Variants in NBEA observed in about 807,000 individuals in gnomAD.
NBEA encodes neurobeachin.
Under a neutral mutation model 343.4 loss-of-function variants are expected in NBEA, and 44 were observed. That is an observed-to-expected ratio of 0.13 (90% CI 0.10 to 0.16). The LOEUF (loss-of-function observed/expected upper bound fraction) is 0.16. NBEA is among the 10% of genes least tolerant of loss of function. NBEA has a pLI of 1.00. For missense variants in NBEA, 2,555 were observed against 3,631.3 expected (o/e 0.70, Z 7.62); for synonymous variants, 1,175 against 1,238.7 (o/e 0.95, Z 1.08).
intron 46 of NBEA, among the ~76,000 whole-genome samples, chr13:35,589,935 T>C (rs9574201): frequency 0.13 from 20,038 of 152,102 alleles, 1,451 homozygotes; most frequent in East Asian, 0.28. Flanking sequence ...CTGAACTTTG[T>C]AAAGACTAAC....
chr13:35,304,151 G>A (rs555733324), intron 35 of NBEA, among the ~76,000 whole-genome samples: 3 of 152,108 alleles, frequency 2.0e-5, no homozygotes, highest in South Asian at 4.2e-4. Flanking sequence ...TATTCTCTTC[G>A]ACAAGAAGAC....
chr13:35,173,237 C>A (rs2070608877), intron 26 of NBEA, among the ~76,000 whole-genome samples: 1 of 152,012 alleles, frequency 6.6e-6, no homozygotes, highest in Admixed American at 6.6e-5. Flanking sequence ...CTTCAGCTGG[C>A]TGGTGGTATA....
chr13:35,655,449 AC>A, intron 54 of NBEA, 129 bp from the exon 55 acceptor site: 1 of 1,022,480 alleles, frequency 9.8e-7, no homozygotes, highest in Non-Finnish European at 1.4e-6. Flanking sequence ...CCATAGATGA[AC>A]TTTTCACAAA....
At chr13:35,025,706 CACTAGTCTCACTTGTCTCTCTT>C (rs1433346606) in intron 1 of NBEA, among the ~76,000 whole-genome samples, 5 of 152,082 alleles carry the variant, frequency 3.3e-5, no homozygotes, top group African/African-American at 7.2e-5. Flanking sequence ...TTTTATCTCT[CACTAGTCTCACTTGTCTCTCTT>C]ACTAGTCTCA....
At chr13:35,657,449 A>T (rs1175807892) in intron 55 of NBEA, among the ~76,000 whole-genome samples, 1 of 152,340 alleles carries the variant, frequency 6.6e-6, no homozygotes, top group Non-Finnish European at 1.5e-5. Context: ...TCTAAATACC[A>T]GTAAGATAAT....
At chr13:35,465,386 A>C (rs1194947014) in intron 40 of NBEA, among the ~76,000 whole-genome samples, 1 of 152,178 alleles carries the variant, frequency 6.6e-6, no homozygotes, top group Non-Finnish European at 1.5e-5. Flanking sequence ...CATATATTTA[A>C]TATATTTTAA....
At chr13:35,479,770 A>G (rs557731497) in intron 41 of NBEA, among the ~76,000 whole-genome samples, 19 of 152,322 alleles carry the variant, frequency 1.2e-4, no homozygotes, top group Non-Finnish European at 8.8e-5. Flanking sequence ...TGTTGTAAAT[A>G]TACTCAGTGC....
At chr13:35,025,073 G>A (rs1323783604) in intron 1 of NBEA, among the ~76,000 whole-genome samples, 1 of 152,086 alleles carries the variant, frequency 6.6e-6, no homozygotes, top group Non-Finnish European at 1.5e-5. Flanking sequence ...CTAGATATTA[G>A]ACTTTTTGTA....
In NBEA at chr13:35,118,181, A is replaced by T. The variant is rs111249141; in HGVS notation, c.2083-47A>T. 4.9e-5 allele frequency: 60 copies of T among 1,218,276 alleles called. No homozygotes were observed. The Admixed American group carries it at 1.4e-3, about 29-fold the overall frequency. 75.5% of individuals were successfully genotyped at this position (1,218,276 alleles called of 1,614,324 possible). On this transcript the variant is annotated intron_variant, in intron 14 of 58. Transcript: ENST00000379939. ...TATTTTGACATCTTTTTTAAATTAA[A>T]ATTTTAATTTTAGATGTAAAGTAAT...
chr13:35,143,114 T>C (rs1020715595), intron 18 of NBEA, among the ~76,000 whole-genome samples: 14 of 152,200 alleles, frequency 9.2e-5, no homozygotes, highest in African/African-American at 3.4e-4. Context: ...GCTTTTTATA[T>C]TTCTAAATGG....
intron 47 of NBEA, among the ~76,000 whole-genome samples, chr13:35,604,093 A>T (rs994325235): frequency 4.6e-5 from 7 of 152,146 alleles, no homozygotes; most frequent in African/African-American, 1.7e-4. Flanking sequence ...GTGACTGATA[A>T]ACACTGTCAT....
chr13:35,654,873 A>G lies in NBEA; in HGVS notation c.8054A>G (p.Asn2685Ser). 1 of 1,575,316 alleles carries G rather than the reference A, an allele frequency of 6.3e-7. No individual in the cohort carries two copies. The highest frequency in any genetic ancestry group is 8.6e-7 in the Non-Finnish European group (1 of 1,166,930). ...CTTTTAGCCAATAATTCAGGTGTAAACAAACGGCAGATCACAGACCTCGTT... is the reference window on the plus strand; with the variant it reads ...CTTTTAGCCAATAATTCAGGTGTAAGCAAACGGCAGATCACAGACCTCGTT... Reference protein sequence around the residue: ...DPLIANNSGVNKRQITDLVDQ... With the variant: ...DPLIANNSGVSKRQITDLVDQ... Residue 2685 changes from asparagine (N) to serine (S), a missense_variant, in exon 54 of 59, where the codon AAC becomes AGC. Coordinates refer to ENST00000379939, the MANE Select transcript of NBEA (RefSeq NM_001385012.1).
intron 36 of NBEA, among the ~76,000 whole-genome samples, chr13:35,330,699 T>C (rs2038872472): frequency 6.6e-6 from 1 of 152,054 alleles, no homozygotes; most frequent in Non-Finnish European, 1.5e-5. Flanking sequence ...ATATAATTGT[T>C]CATATAATCA....
At chr13:35,368,165 C>G (rs2041232008) in intron 38 of NBEA, among the ~76,000 whole-genome samples, 1 of 151,452 alleles carries the variant, frequency 6.6e-6, no homozygotes, top group Admixed American at 6.6e-5. Flanking sequence ...TCAATTACTA[C>G]TATGTAATTC....
chr13:35,242,076 G>A (rs1227778841), intron 34 of NBEA, among the ~76,000 whole-genome samples: 1 of 151,888 alleles, frequency 6.6e-6, no homozygotes, highest in Non-Finnish European at 1.5e-5. Flanking sequence ...CACGTTTAAA[G>A]AAATGTCGGC....
chr13:35,446,814 T>A (rs1257426282), intron 39 of NBEA, among the ~76,000 whole-genome samples: 1 of 152,022 alleles, frequency 6.6e-6, no homozygotes, highest in South Asian at 2.1e-4. Context: ...TACCTATATA[T>A]CTATATAAAT....
chr13:35,359,610 A>G (rs2040693464), intron 38 of NBEA, among the ~76,000 whole-genome samples: 1 of 152,162 alleles, frequency 6.6e-6, no homozygotes, highest in South Asian at 2.1e-4. Flanking sequence ...AATTAATAAT[A>G]TTGATCTTTA....
At chr13:34,961,655 G>A (rs2059666224) in intron 1 of NBEA, among the ~76,000 whole-genome samples, 1 of 152,034 alleles carries the variant, frequency 6.6e-6, no homozygotes, top group African/African-American at 2.4e-5. Flanking sequence ...TCTCTGCCCT[G>A]GAGTTTATAG....
intron 27 of NBEA, among the ~76,000 whole-genome samples, chr13:35,173,859 T>C (rs902303864): frequency 1.3e-5 from 2 of 152,212 alleles, no homozygotes; most frequent in Non-Finnish European, 2.9e-5. Flanking sequence ...AAAACTGTTA[T>C]TTCTATTTTT....
Sources: gnomAD v4.1 joint callset for allele counts (sites outside exome capture counted in the v4.1 genomes callset) on GRCh38, gnomAD v4.1.1 for gene constraint, MANE v1.5 for transcripts, NCBI Gene and HGNC (gene_info 2026-07-23, HGNC 2026-07-21) for gene names.